HMG20A: variants seen among roughly 807,000 people sequenced by gnomAD.
The protein encoded by HMG20A is high mobility group protein 20A.
Under a neutral mutation model 43.9 loss-of-function variants are expected in HMG20A, and 17 were observed. The observed-to-expected ratio is 0.39, with a 90% CI of 0.27 to 0.58. The LOEUF (loss-of-function observed/expected upper bound fraction) is 0.58. Among genes scored for constraint, HMG20A ranks in the 20% least tolerant of loss-of-function variants. The probability of loss-of-function intolerance (pLI) is 0.59; values close to 1 mark genes in which losing one functional copy is unlikely to be tolerated. For missense variants in HMG20A, 341 were observed against 438.2 expected (o/e 0.78, Z 1.98); for synonymous variants, 132 against 147.5 (o/e 0.89, Z 0.76).
At chr15:77,434,718 G>A (rs2142282124) in intron 1 of HMG20A, among the ~76,000 whole-genome samples, 1 of 152,152 alleles carries the variant, frequency 6.6e-6, no homozygotes, top group South Asian at 2.1e-4. Context: ...CCACTGAAAT[G>A]GCTAAAATTA....
At chr15:77,501,836 G>C in the HMG20A span, among the ~76,000 whole-genome samples, 2 of 152,204 alleles carry the variant, frequency 1.3e-5, no homozygotes, top group African/African-American at 4.8e-5. Context: ...TGCCTTAGAA[G>C]AGGGGGCAAA....
At chr15:77,495,629 T>C in the HMG20A span, among the ~76,000 whole-genome samples, 1 of 152,084 alleles carries the variant, frequency 6.6e-6, no homozygotes, top group African/African-American at 2.4e-5. Context: ...AGGAGTTAGA[T>C]AGAGTGTCCC....
chr15:77,471,880 A>G (rs2072812482), intron 6 of HMG20A, 66 bp downstream of exon 6: 2 of 865,930 alleles, frequency 2.3e-6, no homozygotes, highest in Non-Finnish European at 3.5e-6. Context: ...TTGAAATGCT[A>G]TTGGATTTTT....
At chr15:77,461,117 T>G (rs780091393) in intron 2 of HMG20A, among the ~76,000 whole-genome samples, 3 of 151,946 alleles carry the variant, frequency 2.0e-5, no homozygotes, top group Non-Finnish European at 4.4e-5. Flanking sequence ...AAAAAAGTAT[T>G]TCAAGGGAGG....
chr15:77,468,588 C>G (rs1348475082), intron 4 of HMG20A, among the ~76,000 whole-genome samples: 2 of 139,684 alleles, frequency 1.4e-5, no homozygotes, highest in Admixed American at 1.5e-4. Flanking sequence ...CTCTCTCTCT[C>G]TCTCTCTGTC....
chr15:77,439,451 G>A (rs886845752), intron 1 of HMG20A, among the ~76,000 whole-genome samples: 11 of 151,884 alleles, frequency 7.2e-5, no homozygotes, highest in African/African-American at 2.7e-4. Flanking sequence ...CTATACGGTT[G>A]TTTTACTTGT....
chr15:77,509,090 T>C, the HMG20A span, among the ~76,000 whole-genome samples: 53 of 152,260 alleles, frequency 3.5e-4, no homozygotes, highest in Middle Eastern at 3.4e-3. Flanking sequence ...ACCACATCTA[T>C]GGACATGCTT....
intron 9 of HMG20A, 50 bp downstream of exon 9, chr15:77,479,371 A>G: frequency 6.4e-7 from 1 of 1,557,402 alleles, no homozygotes; most frequent in Non-Finnish European, 8.8e-7. Flanking sequence ...ATCAAAAATA[A>G]GATGTCATCA....
the HMG20A span, among the ~76,000 whole-genome samples, chr15:77,491,651 C>T: frequency 6.6e-6 from 1 of 152,120 alleles, no homozygotes; most frequent in African/African-American, 2.4e-5. Context: ...GCTGTGAGCG[C>T]AGTATTCTGG....
At chr15:77,429,367 G>A (rs1056083021) in intron 1 of HMG20A, among the ~76,000 whole-genome samples, 11 of 151,918 alleles carry the variant, frequency 7.2e-5, no homozygotes, top group African/African-American at 2.7e-4. Flanking sequence ...ATGATTTCCA[G>A]CACCCCATTT....
chr15:77,475,011 G>T (rs1027284779), intron 6 of HMG20A, among the ~76,000 whole-genome samples: 7 of 152,164 alleles, frequency 4.6e-5, no homozygotes, highest in East Asian at 3.8e-4. Flanking sequence ...TCAAGAAAGT[G>T]TCTATATCTC....
chr15:77,476,257 G>A (rs1053479713), intron 6 of HMG20A, among the ~76,000 whole-genome samples: 6 of 152,200 alleles, frequency 3.9e-5, no homozygotes, highest in African/African-American at 4.8e-5. Context: ...CAAGGCAGGT[G>A]GATCACCTGA....
chr15:77,442,270 A>T (rs553449907), intron 1 of HMG20A, among the ~76,000 whole-genome samples: 1 of 152,356 alleles, frequency 6.6e-6, no homozygotes, highest in South Asian at 2.1e-4. Flanking sequence ...TTAATAGGAC[A>T]TAAATTGAGT....
rs1567405164 is a variant in HMG20A at position 77,471,047 on chromosome 15, CA to C, written c.583+9del. On this transcript the variant is annotated splice_donor_region_variant and intron_variant, in intron 5 of 9. Transcript: ENST00000336216. The stretch of plus-strand genomic sequence containing the variant: ...AAGGCAAATCTCATAGGCAAGGTAT[CA>C]AAACCAGAACCAAATGTATTTGTAG... 2 of 1,607,672 alleles carry C rather than the reference CA, an allele frequency of 1.2e-6. No individual in the cohort carries two copies. The highest frequency in any genetic ancestry group is 1.7e-6 in the Non-Finnish European group (2 of 1,178,136).
chr15:77,426,382 A>G (rs1017526748), intron 1 of HMG20A, among the ~76,000 whole-genome samples: 3 of 152,224 alleles, frequency 2.0e-5, no homozygotes, highest in Admixed American at 1.3e-4. Flanking sequence ...CATGTTTTAT[A>G]TGTTACATGT....
chr15:77,467,446 T>C, intron 4 of HMG20A, 139 bp downstream of exon 4: 1 of 682,080 alleles, frequency 1.5e-6, no homozygotes, highest in Non-Finnish European at 2.5e-6. Flanking sequence ...GCAGGGTCCA[T>C]CATAGCAATT....
chr15:77,467,330 C>G, intron 4 of HMG20A, 23 bp downstream of exon 4: 1 of 1,569,976 alleles, frequency 6.4e-7, no homozygotes, highest in Non-Finnish European at 8.8e-7. Context: ...ATTCCTGACT[C>G]TTTGTTTGGT....
the HMG20A span, among the ~76,000 whole-genome samples, chr15:77,501,777 G>A: frequency 6.6e-6 from 1 of 152,174 alleles, no homozygotes; most frequent in African/African-American, 2.4e-5. Flanking sequence ...GCAACATAAC[G>A]AAGGATCCCC....
intron 1 of HMG20A, among the ~76,000 whole-genome samples, chr15:77,437,350 A>G (rs2073560465): frequency 6.6e-6 from 1 of 152,210 alleles, no homozygotes; most frequent in Non-Finnish European, 1.5e-5. Context: ...TGAATAAGAA[A>G]ATAGATCATG....
Sources: allele counts gnomAD v4.1 joint callset (sites outside exome capture counted in the v4.1 genomes callset), GRCh38; gene constraint gnomAD v4.1.1; transcripts MANE v1.5; gene names NCBI Gene and HGNC (gene_info 2026-07-23, HGNC 2026-07-21).